Variants in PINK1 observed in about 807,000 individuals in gnomAD.
PINK1 encodes the protein PTEN induced kinase 1.
Under a neutral mutation model 56.0 loss-of-function variants are expected in PINK1, and 58 were observed. The observed-to-expected ratio is 1.04, with a 90% CI of 0.84 to 1.29. PINK1 has a LOEUF of 1.29. PINK1 is among the 50% of genes most tolerant of loss of function. The pLI, the probability that PINK1 is intolerant of heterozygous loss-of-function variation, is 0.00. For missense variants in PINK1, 745 were observed against 777.9 expected (o/e 0.96, Z 0.50); for synonymous variants, 354 against 339.3 (o/e 1.04, Z -0.48).
rs775425667 is a variant in PINK1, at chr1:20,645,724, G to A, written c.1123+1G>A. 2 of 1,614,156 alleles carry A rather than the reference G, an allele frequency of 1.2e-6. No homozygotes were observed. The highest frequency in any genetic ancestry group is 1.7e-5 in the Admixed American group (1 of 59,998). Reference sequence around the variant, plus strand: ...AACATCCTTGTGGAGCTGGACCCAGGTAGGAACCTGCTGCACCATCAGAGC... The same window carrying A: ...AACATCCTTGTGGAGCTGGACCCAGATAGGAACCTGCTGCACCATCAGAGC... On this transcript the variant is annotated splice_donor_variant, in intron 5 of 7. Transcript: ENST00000321556. LOFTEE classifies it high-confidence loss of function.
chr1:20,640,846 T>C (rs912377607), intron 3 of PINK1, among the ~76,000 whole-genome samples: 2 of 152,160 alleles, frequency 1.3e-5, no homozygotes, highest in Non-Finnish European at 2.9e-5. Flanking sequence ...AAGAGCAGCC[T>C]GGGCAACATG....
rs1409397802 is a variant in PINK1, at chr1:20,651,358, A to ATGAT, written c.*669_*672dup. ...TTGAACTGAATATTTGGCTTTAAGA[A>ATGAT]TGATTCTTATACTCTGAAGGTGAGA... is the stretch of plus-strand genomic sequence containing the variant. On this transcript the variant is annotated 3_prime_UTR_variant, in exon 8 of 8. Coordinates refer to ENST00000321556, the MANE Select transcript of PINK1 (RefSeq NM_032409.3). The ATGAT allele has an allele frequency of 6.0e-5, 8 of 133,528 alleles. No individual in the cohort carries two copies. The Admixed American group carries it at 6.0e-4, about 10-fold the overall frequency. 8.3% of individuals were successfully genotyped at this position (133,528 alleles called of 1,614,324 possible).
intron 5 of PINK1, among the ~76,000 whole-genome samples, chr1:20,647,334 A>G (rs2154533932): frequency 6.7e-6 from 1 of 150,284 alleles, no homozygotes; most frequent in South Asian, 2.1e-4. Context: ...TGGGATTATT[A>G]TTTTTAGTGG....
At chr1:20,640,045 A>G in intron 3 of PINK1, 53 bp downstream of exon 3, 1 of 1,442,688 alleles carries the variant, frequency 6.9e-7, no homozygotes, top group Non-Finnish European at 9.5e-7. Flanking sequence ...GAGCAACTTC[A>G]TCCATCACTT....
rs2053075565 is a variant in PINK1, at chr1:20,638,049, A to C, written c.595A>C (p.Ser199Arg). The C allele has an allele frequency of 6.2e-7, 1 of 1,614,186 alleles. No individual in the cohort carries two copies. The highest frequency in any genetic ancestry group is 8.5e-7 in the Non-Finnish European group (1 of 1,180,024). Residue 199 changes from serine (S) to arginine (R), a missense_variant, in exon 2 of 8, where the codon AGT (serine) becomes CGT (arginine). Physicochemically the swap from Ser to Arg is moderately radical, Grantham distance 110. Transcript: ENST00000321556. ...GLLPGRGPGT[S>R]APGEGQERAP... ...GCTTCCAGGGAGAGGCCCAGGTACC[A>C]GTGCACCAGGAGAAGGGCAGGAGCG...
chr1:20,642,958 G>A (rs553332887), intron 3 of PINK1: 9 of 152,276 alleles, frequency 5.9e-5, no homozygotes, highest in African/African-American at 2.2e-4. Context: ...TGAGCCACGG[G>A]AATTTCCATC....
chr1:20,638,595 T>C (rs954839878), intron 2 of PINK1: 3 of 240,874 alleles, frequency 1.2e-5, no homozygotes, highest in Admixed American at 5.1e-5. Flanking sequence ...TGATCCAAGA[T>C]TGTGGCACTG....
intron 7 of PINK1, chr1:20,650,195 G>A (rs749884411): frequency 1.7e-6 from 1 of 587,190 alleles, no homozygotes; most frequent in African/African-American, 1.9e-5. Flanking sequence ...TCCACCCAGG[G>A]GGAAAGGCTA....
chr1:20,637,259 G>GC (rs1436862605), intron 1 of PINK1, among the ~76,000 whole-genome samples: 6 of 152,198 alleles, frequency 3.9e-5, no homozygotes, highest in Non-Finnish European at 8.8e-5. Flanking sequence ...GTGCAGCACT[G>GC]CCCCCAGCAC....
chr1:20,650,111 G>A (rs186895219), intron 7 of PINK1: 2 of 414,128 alleles, frequency 4.8e-6, no homozygotes, highest in Non-Finnish European at 9.1e-6. Flanking sequence ...GCTGCAACCA[G>A]TTATGAAATG....
At position 20,651,201 on chromosome 1, in the gene PINK1, G is replaced by T. The variant is rs886045850; in HGVS notation, c.*510G>T. ...TACTGAATTATTAATCTCACTTAGC[G>T]AAAGTGACGGATGAGCAGTAAGTAA... On this transcript the variant is annotated 3_prime_UTR_variant, in exon 8 of 8. Coordinates refer to ENST00000321556, the MANE Select transcript of PINK1 (RefSeq NM_032409.3). The T allele has an allele frequency of 5.5e-6, 1 of 181,852 alleles. No homozygotes were observed. Among genetic ancestry groups the T allele is most frequent in the Admixed American group, 5.3e-5 (1 of 18,746 alleles). 11.3% of individuals were successfully genotyped at this position (181,852 alleles called of 1,614,324 possible).
At position 20,633,837 on chromosome 1, in the gene PINK1, G is replaced by A. The variant is rs2053020457; in HGVS notation, c.289G>A (p.Gly97Ser). Residue 97 changes from glycine (G) to serine (S), a missense_variant, in exon 1 of 8, where the codon GGC (glycine) becomes AGC (serine). Transcript: ENST00000321556. ...VRAWGCAGPC[G>S]RAVFLAFGLG... ...GGCCTGGGGCTGCGCGGGCCCTTGC[G>A]GCCGGGCAGTCTTTCTGGCCTTCGG... 2 of 1,577,932 alleles carry A rather than the reference G, an allele frequency of 1.3e-6. No homozygotes were observed. The highest frequency in any genetic ancestry group is 1.7e-6 in the Non-Finnish European group (2 of 1,165,194).
intron 3 of PINK1, among the ~76,000 whole-genome samples, chr1:20,640,690 G>C (rs1025626450): frequency 4.6e-5 from 7 of 152,180 alleles, no homozygotes; most frequent in African/African-American, 1.7e-4. Flanking sequence ...TCCACCACCA[G>C]CCTCACCACA....
In PINK1 at chr1:20,648,523, TG is replaced by T; in HGVS notation, c.1143del (p.Ile382SerfsTer32). ...TTCCCAGACGGCTGCCCCTGGCTGG[TG>T]ATCGCAGATTTTGGCTGCTGCCTGG... is the stretch of plus-strand genomic sequence containing the variant. ...ELDPDGCPWL[V>X]IADFGCCLAD... is the part of the protein sequence containing the mutation. On this transcript the variant is annotated frameshift_variant, in exon 6 of 8. Transcript: ENST00000321556. LOFTEE classifies it high-confidence loss of function. The T allele has an allele frequency of 6.2e-7, 1 of 1,614,000 alleles. No individual in the cohort carries two copies. Among genetic ancestry groups the T allele is most frequent in the East Asian group, 2.2e-5 (1 of 44,884 alleles).
In PINK1 at chr1:20,648,261, A is replaced by C. The variant is rs551011391; in HGVS notation, c.1124-244A>C. 2.2e-5 allele frequency: 12 copies of C among 555,242 alleles called. No homozygotes were observed. The South Asian group carries it at 2.2e-4, about 10-fold the overall frequency. The allele number at this position is 555,242 out of a possible 1,614,324, so 34.4% of individuals were successfully genotyped here. ...GGACAGCTCCAATTACTAGAACATGATTTAAATTGAGCCACACAGTCCTTT... is the reference window on the plus strand; with the variant it reads ...GGACAGCTCCAATTACTAGAACATGCTTTAAATTGAGCCACACAGTCCTTT... On this transcript the variant is annotated intron_variant, in intron 5 of 7. Coordinates refer to ENST00000321556, the MANE Select transcript of PINK1 (RefSeq NM_032409.3).
Position 20,641,811 on chromosome 1 carries a change from G to C in PINK1, c.776+1819G>C, listed in dbSNP as rs2053118229. On this transcript the variant is annotated intron_variant, in intron 3 of 7. Coordinates refer to ENST00000321556, the MANE Select transcript of PINK1 (RefSeq NM_032409.3). The surrounding 1 kb of genome is among the most constrained non-coding windows in gnomAD (Gnocchi z 4.0). ...ATAGCTCCTTCCCCGAATGTGCCAG[G>C]CTTCTCTGTGACCATCTCTTGAGCG... 6.6e-6 allele frequency among the ~76,000 whole-genome samples: 1 copy of C among 152,068 alleles called. No individual in the cohort carries two copies. The highest frequency in any genetic ancestry group is 2.4e-5 in the African/African-American group (1 of 41,394).
Position 20,633,689 on chromosome 1 carries a change from C to G in PINK1, c.141C>G (p.Gly47=), listed in dbSNP as rs1167601739. ...GCTGTGTCCGCGGGGAGCGTCCAGGCTGGGCCGCAGGACCGGGCGCGGAGC... is the reference window on the plus strand; with the variant it reads ...GCTGTGTCCGCGGGGAGCGTCCAGGGTGGGCCGCAGGACCGGGCGCGGAGC... ...AAGCVRGERP[G]WAAGPGAEPR... is the part of the protein sequence containing the mutation. Residue 47 remains glycine (G), a synonymous_variant, in exon 1 of 8, where the codon GGC becomes GGG. Transcript: ENST00000321556. The G allele has an allele frequency of 4.0e-6, 6 of 1,491,368 alleles. No homozygotes were observed. In the Admixed American group the frequency reaches 6.4e-5, roughly 16 times the overall value. 92.4% of individuals were successfully genotyped at this position (1,491,368 alleles called of 1,614,324 possible).
chr1:20,647,396 G>T (rs1354137117), intron 5 of PINK1, among the ~76,000 whole-genome samples: 1 of 149,520 alleles, frequency 6.7e-6, no homozygotes, highest in Non-Finnish European at 1.5e-5. Flanking sequence ...GGCCTCAAGT[G>T]ATCCACCCAC....
chr1:20,633,912 G>C lies in PINK1; in HGVS notation c.364G>C (p.Val122Leu), dbSNP rs1433292317. Residue 122 changes from valine (V) to leucine (L), a missense_variant, in exon 1 of 8, where the codon GTC (valine) becomes CTC (leucine). Val to Leu is a conservative substitution (Grantham distance 32). Coordinates refer to ENST00000321556, the MANE Select transcript of PINK1 (RefSeq NM_032409.3). The stretch of plus-strand genomic sequence containing the variant: ...AAAACAGGCGGAGAGCCGGCGGGCG[G>C]TCTCGGCCTGTCAGGAGATCCAGGT... ...EEKQAESRRA[V>L]SACQEIQAIF... 6.3e-7 allele frequency: 1 copy of C among 1,583,834 alleles called. No individual in the cohort carries two copies. The highest frequency in any genetic ancestry group is 8.6e-7 in the Non-Finnish European group (1 of 1,167,804).
Sources: allele counts gnomAD v4.1 joint callset (sites outside exome capture counted in the v4.1 genomes callset), GRCh38; gene constraint gnomAD v4.1.1; non-coding constraint Gnocchi (gnomAD v3.1); transcripts MANE v1.5; gene names NCBI Gene and HGNC (gene_info 2026-07-23, HGNC 2026-07-21).